Variants in PRKG1 observed in about 807,000 individuals in gnomAD.
PRKG1 encodes protein kinase cGMP-dependent 1.
In PRKG1, 35 loss-of-function variants were observed where a neutral mutation model predicts 88.1. The ratio of observed to expected loss-of-function variants is 0.40; its 90% CI spans 0.30 to 0.53. PRKG1 has a LOEUF of 0.53. PRKG1 is among the 20% of genes least tolerant of loss of function. PRKG1 has a pLI of 0.59. For synonymous variants in PRKG1, 303 were observed against 292.5 expected, an observed-to-expected ratio of 1.04 and a Z score of -0.37; for missense variants, 540 against 839.8, an observed-to-expected ratio of 0.64 and a Z score of 4.41.
chr10:52,216,334 T>A (rs1330407010), intron 9 of PRKG1, among the ~76,000 whole-genome samples: 1 of 152,170 alleles, frequency 6.6e-6, no homozygotes, highest in Non-Finnish European at 1.5e-5. Flanking sequence ...GTCAACAGGC[T>A]CCTGGGCTGG....
intron 2 of PRKG1, among the ~76,000 whole-genome samples, chr10:51,430,319 G>A (rs997250582): frequency 1.3e-5 from 2 of 152,080 alleles, no homozygotes; most frequent in Admixed American, 6.6e-5. Context: ...TCCTCAAGAG[G>A]CAGAGGTGGG....
rs1293789002 is a variant in PRKG1 at position 51,189,346 on chromosome 10, G to A, written c.478+36016G>A. Reference sequence around the variant, plus strand: ...AACATATGTTCTTATTAGGAACAAAGTAGGTATATAGGTAAGAAAGACACA... The same window carrying A: ...AACATATGTTCTTATTAGGAACAAAATAGGTATATAGGTAAGAAAGACACA... On this transcript the variant is annotated intron_variant, in intron 2 of 17. Transcript: ENST00000373980. 2.6e-5 allele frequency among the ~76,000 whole-genome samples: 4 copies of A among 151,896 alleles called. No homozygotes were observed. In the East Asian group the frequency reaches 7.7e-4, roughly 29 times the overall value.
At chr10:51,142,521 A>G (rs1288742292) in intron 1 of PRKG1, among the ~76,000 whole-genome samples, 1 of 152,078 alleles carries the variant, frequency 6.6e-6, no homozygotes, top group Non-Finnish European at 1.5e-5. Flanking sequence ...AGAGAGACAC[A>G]GACATAGAGA....
intron 2 of PRKG1, among the ~76,000 whole-genome samples, chr10:51,364,994 T>C (rs1408320381): frequency 6.6e-6 from 1 of 151,976 alleles, no homozygotes; most frequent in Non-Finnish European, 1.5e-5. Context: ...AATGAAAGGT[T>C]CTTTTCCTGC....
At chr10:52,131,789 G>T (rs1394775299) in intron 7 of PRKG1, among the ~76,000 whole-genome samples, 3 of 128,474 alleles carry the variant, frequency 2.3e-5, no homozygotes, top group Non-Finnish European at 4.6e-5. Context: ...CTGCACTCCA[G>T]CGTGGGCAAC....
chr10:51,848,921 A>G (rs1286517714), intron 4 of PRKG1, among the ~76,000 whole-genome samples: 1 of 151,332 alleles, frequency 6.6e-6, no homozygotes, highest in Non-Finnish European at 1.5e-5. Context: ...TATTCCAGTA[A>G]GACTACCAGT....
intron 2 of PRKG1, among the ~76,000 whole-genome samples, chr10:51,309,265 C>G (rs1484473441): frequency 6.6e-6 from 1 of 152,102 alleles, no homozygotes; most frequent in East Asian, 1.9e-4. Flanking sequence ...TTCATAAACT[C>G]CTATTGGATT....
intron 3 of PRKG1, among the ~76,000 whole-genome samples, chr10:51,686,884 C>T (rs143850121): frequency 0.033 from 5,048 of 152,018 alleles, 277 homozygotes; most frequent in African/African-American, 0.11. Flanking sequence ...TACAGGTGCC[C>T]GCCATCAGGC....
At chr10:51,575,279 C>T (rs1837856701) in intron 3 of PRKG1, among the ~76,000 whole-genome samples, 1 of 151,924 alleles carries the variant, frequency 6.6e-6, no homozygotes, top group Non-Finnish European at 1.5e-5. Flanking sequence ...AAGAAGTTGG[C>T]CTTTTGGTTA....
intron 3 of PRKG1, among the ~76,000 whole-genome samples, chr10:51,703,052 A>G (rs533383759): frequency 3.0e-4 from 46 of 152,338 alleles, no homozygotes; most frequent in Middle Eastern, 3.4e-3. Flanking sequence ...TTTATAAGTC[A>G]TACTAGAAAA....
At chr10:52,026,452 A>T (rs948200524) in intron 5 of PRKG1, among the ~76,000 whole-genome samples, 5 of 152,220 alleles carry the variant, frequency 3.3e-5, no homozygotes, top group African/African-American at 1.2e-4. Flanking sequence ...GATACCAAAC[A>T]CAAAAGACCA....
At chr10:51,733,461 CA>C (rs1237853729) in intron 3 of PRKG1, among the ~76,000 whole-genome samples, 1 of 152,096 alleles carries the variant, frequency 6.6e-6, no homozygotes, top group Non-Finnish European at 1.5e-5. Context: ...ATAGTAACAT[CA>C]ATAATAAATC....
At chr10:51,464,674 G>C (rs959301140) in intron 2 of PRKG1, among the ~76,000 whole-genome samples, 1 of 151,662 alleles carries the variant, frequency 6.6e-6, no homozygotes, top group Non-Finnish European at 1.5e-5. Flanking sequence ...GGCGGATCAC[G>C]AGGTCAGGAG....
chr10:51,957,547 C>T (rs1843344682), intron 5 of PRKG1, among the ~76,000 whole-genome samples: 1 of 152,148 alleles, frequency 6.6e-6, no homozygotes. Flanking sequence ...CCCATACTGG[C>T]TTCCCCAATT....
intron 3 of PRKG1, among the ~76,000 whole-genome samples, chr10:51,594,061 G>C (rs991285284): frequency 6.6e-6 from 1 of 151,848 alleles, no homozygotes; most frequent in Admixed American, 6.6e-5. Context: ...GTCTTACTCT[G>C]TTGGCTAGGC....
chr10:51,263,553 G>A (rs1019566009), intron 2 of PRKG1, among the ~76,000 whole-genome samples: 1 of 151,986 alleles, frequency 6.6e-6, no homozygotes, highest in African/African-American at 2.4e-5. Context: ...TTTTATTATG[G>A]AAACACTGTA....
intron 2 of PRKG1, among the ~76,000 whole-genome samples, chr10:51,197,873 T>G (rs1425459626): frequency 1.3e-5 from 2 of 151,254 alleles, no homozygotes; most frequent in Admixed American, 6.6e-5. Flanking sequence ...CCAGAATTAC[T>G]TTTGCACCAC....
intron 2 of PRKG1, among the ~76,000 whole-genome samples, chr10:51,285,078 A>G (rs1230779091): frequency 9.8e-6 from 1 of 102,372 alleles, no homozygotes; most frequent in East Asian, 3.0e-4. Context: ...CCCAGAGTGT[A>G]TATTCCCCTT....
intron 1 of PRKG1, among the ~76,000 whole-genome samples, chr10:51,044,545 A>G (rs1412758062): frequency 6.6e-6 from 1 of 150,972 alleles, no homozygotes; most frequent in African/African-American, 2.5e-5. Context: ...AAGCTTTATC[A>G]TTCAGAGCTT....
Sources: gnomAD v4.1 joint callset for allele counts (sites outside exome capture counted in the v4.1 genomes callset) on GRCh38, gnomAD v4.1.1 for gene constraint, MANE v1.5 for transcripts, NCBI Gene and HGNC (gene_info 2026-07-23, HGNC 2026-07-21) for gene names.